The following SLC39A1 variants were observed in gnomAD, a reference collection of about 807,000 sequenced individuals.
SLC39A1 encodes the protein zinc transporter ZIP1.
Under a neutral mutation model 21.4 loss-of-function variants are expected in SLC39A1, and 17 were observed. The ratio of observed to expected loss-of-function variants is 0.79; its 90% confidence interval spans 0.54 to 1.19. The LOEUF is 1.19. SLC39A1 is among the 50% of genes most tolerant of loss of function. The pLI, the probability that SLC39A1 is intolerant of heterozygous loss-of-function variation, is 0.00. For missense variants in SLC39A1, 343 were observed against 399.8 expected (o/e 0.86, Z 1.21); for synonymous variants, 183 against 185.9 (o/e 0.98, Z 0.13).
chr1:153,960,195 G>A lies in SLC39A1; in HGVS notation c.878C>T (p.Pro293Leu), dbSNP rs972115052. 2 of 1,614,242 alleles carry A rather than the reference G, an allele frequency of 1.2e-6. No homozygotes were observed. Among genetic ancestry groups the A allele is most frequent in the South Asian group, 1.1e-5 (1 of 91,092 alleles). The change falls in exon 4 of 4, where the codon CCC becomes CTC. Residue 293 changes from proline to leucine, a missense_variant. Pro to Leu is a moderately conservative substitution (Grantham distance 98). Coordinates refer to ENST00000356205, the MANE Select transcript of SLC39A1 (RefSeq NM_001271958.2). ...FLYITFLEILPQELASSEQRI... is the reference protein window; with the variant it reads ...FLYITFLEILLQELASSEQRI... ...TTGCTCAGAACTGGCCAGCTCCTGGGGCAGGATTTCCAGAAAGGTGATATA... is the reference window on the plus strand; with the variant it reads ...TTGCTCAGAACTGGCCAGCTCCTGGAGCAGGATTTCCAGAAAGGTGATATA...
chr1:153,959,746 G>A lies in SLC39A1; in HGVS notation c.*352C>T, dbSNP rs117794427. 1.3e-5 allele frequency: 4 copies of A among 307,798 alleles called. No individual in the cohort carries two copies. Among genetic ancestry groups the A allele is most frequent in the South Asian group, 5.5e-5 (1 of 18,190 alleles). 19.1% of individuals were successfully genotyped at this position (307,798 alleles called of 1,614,324 possible). On this transcript the variant is annotated 3_prime_UTR_variant, in exon 4 of 4. Coordinates refer to ENST00000356205, the MANE Select transcript of SLC39A1 (RefSeq NM_001271958.2). ...CTAGGTTTATGACCTGTCCATACCC[G>A]TTCCACAGCAGCTGGGTACCCACCT... is the stretch of plus-strand genomic sequence containing the variant.
Position 153,959,701 on chromosome 1 carries a change from G to A in SLC39A1, c.*397C>T, listed in dbSNP as rs1023840115. 8.5e-6 allele frequency: 2 copies of A among 235,394 alleles called. No homozygotes were observed. Among genetic ancestry groups the A allele is most frequent in the African/African-American group, 4.5e-5 (2 of 44,434 alleles). 14.6% of individuals were successfully genotyped at this position (235,394 alleles called of 1,614,324 possible). A position where few individuals can be genotyped will look rare whatever the true frequency, so the allele number is the denominator to read the frequency against. ...AGTGGCAGGGTGCTGAAATGGGCTA[G>A]GACCAACAGGACACTGACTCTAGGT... On this transcript the variant is annotated 3_prime_UTR_variant, in exon 4 of 4. Transcript: ENST00000356205.
At position 153,962,355 on chromosome 1, in the gene SLC39A1, G is replaced by C. The variant is rs760040371; in HGVS notation, c.188-5C>G. On this transcript the variant is annotated splice_polypyrimidine_tract_variant and splice_region_variant and intron_variant, in intron 2 of 3. Coordinates refer to ENST00000356205, the MANE Select transcript of SLC39A1 (RefSeq NM_001271958.2). ...TCAGGGCTTTCTGGCGGGAAGCTGG[G>C]TAGGGGTGAAGCACAGAGGGGAATA... is the stretch of plus-strand genomic sequence containing the variant. The C allele has an allele frequency of 1.7e-5, 28 of 1,613,722 alleles. No homozygotes were observed. Among genetic ancestry groups the C allele is most frequent in the Non-Finnish European group, 2.3e-5 (27 of 1,179,900 alleles).
intron 3 of SLC39A1, among the ~76,000 whole-genome samples, chr1:153,961,106 T>G (rs1647406510): frequency 6.6e-6 from 1 of 152,070 alleles, no homozygotes; most frequent in South Asian, 2.1e-4. Context: ...TGAAACCCTG[T>G]CTCTACTAAA....
upstream of SLC39A1, among the ~76,000 whole-genome samples, chr1:153,965,775 C>T (rs904028694): frequency 3.3e-5 from 5 of 151,846 alleles, no homozygotes; most frequent in African/African-American, 7.3e-5. Flanking sequence ...TTAGTAGAGA[C>T]GGGATTTCAC....
chr1:153,962,060 G>C (rs1226227610), intron 3 of SLC39A1, among the ~76,000 whole-genome samples, 160 bp downstream of exon 3: 1 of 152,142 alleles, frequency 6.6e-6, no homozygotes, highest in Non-Finnish European at 1.5e-5. Flanking sequence ...GGAACACATA[G>C]AAAGAATTAT....
At chr1:153,965,040 T>C (rs1395282255), upstream of SLC39A1, 1 of 152,240 alleles carries the variant, frequency 6.6e-6, no homozygotes, top group African/African-American at 2.4e-5. Context: ...TTTATAGTTG[T>C]CAAATATATA....
intron 2 of SLC39A1, 67 bp downstream of exon 2, chr1:153,962,462 C>G (rs1647522148): frequency 6.3e-7 from 1 of 1,577,658 alleles, no homozygotes; most frequent in Non-Finnish European, 8.6e-7. Flanking sequence ...TTGGTCACTC[C>G]CCGCCAGCCC....
At position 153,960,082 on chromosome 1, in the gene SLC39A1, C is replaced by T; in HGVS notation, c.*16G>A. The stretch of plus-strand genomic sequence containing the variant: ...CACCTGATCATCAATCTCCCCTGCC[C>T]CTCTCTTGAAGCCCCCTAGATTTGG... On this transcript the variant is annotated 3_prime_UTR_variant, in exon 4 of 4. Coordinates refer to ENST00000356205, the MANE Select transcript of SLC39A1 (RefSeq NM_001271958.2). 6.3e-7 allele frequency: 1 copy of T among 1,581,892 alleles called. No homozygotes were observed. The highest frequency in any genetic ancestry group is 8.6e-7 in the Non-Finnish European group (1 of 1,162,032).
chr1:153,959,813 C>G lies in SLC39A1; in HGVS notation c.*285G>C. 2.4e-6 allele frequency: 1 copy of G among 422,280 alleles called. No individual in the cohort carries two copies. The highest frequency in any genetic ancestry group is 3.4e-5 in the South Asian group (1 of 29,422). 26.2% of individuals were successfully genotyped at this position (422,280 alleles called of 1,614,324 possible). ...GCCTGTCCTTATGTATAGTGTCCAA[C>G]CTCTGATTCTAGCAGTCAAGTGTCT... On this transcript the variant is annotated 3_prime_UTR_variant, in exon 4 of 4. Coordinates refer to ENST00000356205, the MANE Select transcript of SLC39A1 (RefSeq NM_001271958.2).
chr1:153,967,730 C>G (rs1647896255), upstream of SLC39A1: 1 of 152,228 alleles, frequency 6.6e-6, no homozygotes, highest in Non-Finnish European at 1.5e-5. Flanking sequence ...CAAACTGTCT[C>G]CGACCAGTTA....
upstream of SLC39A1, chr1:153,964,979 G>C (rs2102145745): frequency 6.6e-6 from 1 of 152,266 alleles, no homozygotes; most frequent in South Asian, 2.1e-4. Context: ...CATTAACAAG[G>C]AATTATGACT....
Position 153,960,617 on chromosome 1 carries a change from C to T in SLC39A1, c.456G>A (p.Val152=). 6.2e-7 allele frequency: 1 copy of T among 1,614,248 alleles called. No homozygotes were observed. The highest frequency in any genetic ancestry group is 2.2e-5 in the East Asian group (1 of 44,892). The change falls in exon 4 of 4, where the codon GTG becomes GTA. Residue 152 remains valine (V), a synonymous_variant. Transcript: ENST00000356205. The stretch of plus-strand genomic sequence containing the variant: ...CATGCCAATGCTGCGGCCCACCATT[C>T]ACTGTTCCCAGCAGAGCCCTTGTTT... ...LEETRALLGT[V]NGGPQHWHDG...
Position 153,960,558 on chromosome 1 carries a change from G to A in SLC39A1, c.515C>T (p.Pro172Leu), listed in dbSNP as rs1222163394. The A allele has an allele frequency of 6.2e-7, 1 of 1,613,908 alleles. No individual in the cohort carries two copies. The highest frequency in any genetic ancestry group is 8.5e-7 in the Non-Finnish European group (1 of 1,180,052). The change falls in exon 4 of 4, where the codon CCA (proline) becomes CTA (leucine). Residue 172 changes from proline (P) to leucine (L), a missense_variant. Coordinates refer to ENST00000356205, the MANE Select transcript of SLC39A1 (RefSeq NM_001271958.2). ...GGCACGCAAGGCTGAGGGGGTTGCT[G>A]GGGCTCCACTCGCCTGTGGGACCCC... is the stretch of plus-strand genomic sequence containing the variant. ...GPGVPQASGA[P>L]ATPSALRACV...
Position 153,959,957 on chromosome 1 carries a change from G to C in SLC39A1, c.*141C>G, listed in dbSNP as rs1023871125. On this transcript the variant is annotated 3_prime_UTR_variant, in exon 4 of 4. Transcript: ENST00000356205. The stretch of plus-strand genomic sequence containing the variant: ...TCTCATTAGTCAGATAGCCCCAAAG[G>C]CTCTATCTTTAGCTCCCAGAGAACT... 3 of 944,602 alleles carry C rather than the reference G, an allele frequency of 3.2e-6. No individual in the cohort carries two copies. The highest frequency in any genetic ancestry group is 1.8e-5 in the South Asian group (1 of 56,292). 58.5% of individuals were successfully genotyped at this position (944,602 alleles called of 1,614,324 possible).
intron 3 of SLC39A1, 105 bp from the exon 4 acceptor site, chr1:153,960,859 C>G (rs1647365536): frequency 9.7e-7 from 1 of 1,035,706 alleles, no homozygotes; most frequent in African/African-American, 1.6e-5. Context: ...AGACACAGGG[C>G]TACTCTCAGT....
chr1:153,962,802 A>G, intron 1 of SLC39A1, 55 bp from the exon 2 acceptor site: 2 of 1,359,356 alleles, frequency 1.5e-6, no homozygotes, highest in Non-Finnish European at 1.9e-6. Flanking sequence ...AGATGGGGCA[A>G]GGAATGGGGA....
At chr1:153,964,615 C>T (rs1647681566), upstream of SLC39A1, 1 of 151,988 alleles carries the variant, frequency 6.6e-6, no homozygotes, top group African/African-American at 2.4e-5. Flanking sequence ...AGAAACGAAG[C>T]CCAGTAATTC....
upstream of SLC39A1, among the ~76,000 whole-genome samples, chr1:153,966,107 C>T (rs1647765947): frequency 6.6e-6 from 1 of 152,154 alleles, no homozygotes; most frequent in Non-Finnish European, 1.5e-5. Context: ...TGTATTTAAC[C>T]ACCTTTCTCG....
Sources: allele counts gnomAD v4.1 joint callset (sites outside exome capture counted in the v4.1 genomes callset), GRCh38; gene constraint gnomAD v4.1.1; transcripts MANE v1.5; gene names NCBI Gene and HGNC (gene_info 2026-07-23, HGNC 2026-07-21).